The following AUTS2 variants were observed in gnomAD, a reference collection of about 807,000 sequenced individuals.
AUTS2 encodes autism susceptibility gene 2 protein.
AUTS2 carries 17 observed loss-of-function variants against 112.4 expected under a neutral mutation model. The observed-to-expected ratio is 0.15, with a 90% CI of 0.10 to 0.23. The LOEUF is 0.23. Among genes scored for constraint, AUTS2 ranks in the 10% least tolerant of loss-of-function variants. The pLI is 1.00. For synonymous variants in AUTS2, 751 were observed against 702.7 expected (o/e 1.07, Z -1.09); for missense variants, 1,510 against 1,701.6 (o/e 0.89, Z 1.98).
intron 2 of AUTS2, among the ~76,000 whole-genome samples, chr7:70,076,881 A>G (rs893184851): frequency 3.3e-5 from 5 of 152,218 alleles, no homozygotes; most frequent in African/African-American, 9.6e-5. Flanking sequence ...GAGTATTTCA[A>G]TTAGAGTGCT....
chr7:70,768,071 G>A lies in AUTS2; in HGVS notation c.1734+3G>A. 1 of 1,601,932 alleles carries A rather than the reference G, an allele frequency of 6.2e-7. No homozygotes were observed. Among genetic ancestry groups the A allele is most frequent in the Non-Finnish European group, 8.5e-7 (1 of 1,175,570 alleles). ...TTGACCCATTCTACCGGCACAGTGT[G>A]AGTTTCATTACCATGCTACACATTG... On this transcript the variant is annotated splice_donor_region_variant and intron_variant, in intron 10 of 18. Coordinates refer to ENST00000342771, the MANE Select transcript of AUTS2 (RefSeq NM_015570.4).
At chr7:69,958,924 C>T (rs1302962120) in intron 2 of AUTS2, among the ~76,000 whole-genome samples, 2 of 152,070 alleles carry the variant, frequency 1.3e-5, no homozygotes, top group Non-Finnish European at 2.9e-5. Context: ...TTGGAGAGAA[C>T]CAAATTTTAG....
intron 4 of AUTS2, among the ~76,000 whole-genome samples, chr7:70,414,212 C>T (rs1465005457): frequency 6.6e-6 from 1 of 152,160 alleles, no homozygotes; most frequent in Admixed American, 6.5e-5. Flanking sequence ...CTTTCCTTTC[C>T]CCAATGCTCC....
chr7:70,145,107 T>C (rs550649822), intron 4 of AUTS2, among the ~76,000 whole-genome samples: 21 of 152,256 alleles, frequency 1.4e-4, no homozygotes, highest in Admixed American at 4.6e-4. Context: ...ATTGCTCTTC[T>C]TGTAATGCCC....
chr7:70,450,034 A>G (rs1487828495), intron 5 of AUTS2, among the ~76,000 whole-genome samples: 1 of 152,178 alleles, frequency 6.6e-6, no homozygotes, highest in African/African-American at 2.4e-5. Flanking sequence ...GGAGAATCCA[A>G]TTTGCATGCC....
intron 1 of AUTS2, among the ~76,000 whole-genome samples, chr7:69,775,928 C>G (rs568077274): frequency 1.3e-5 from 2 of 152,282 alleles, no homozygotes; most frequent in East Asian, 3.9e-4. Context: ...GAGATTGGCC[C>G]TGGGTAGGAG....
chr7:69,615,552 C>G (rs1332358244), intron 1 of AUTS2, among the ~76,000 whole-genome samples: 1 of 152,168 alleles, frequency 6.6e-6, no homozygotes, highest in Admixed American at 6.5e-5. Context: ...ATCTGCCTGC[C>G]TCAGCCTCCC....
chr7:69,879,120 C>CTGTGTG lies in AUTS2; in HGVS notation c.310-20134_310-20129dup, dbSNP rs5884770. On this transcript the variant is annotated intron_variant, in intron 1 of 18. Coordinates refer to ENST00000342771, the MANE Select transcript of AUTS2 (RefSeq NM_015570.4). ...CTCAGTTATAGATATTTGAGACTTT[C>CTGTGTG]TGTGTGTGTGTGTGTGTGTGTGTGT... 3.3e-3 allele frequency among the ~76,000 whole-genome samples: 482 copies of CTGTGTG among 147,812 alleles called. 2 individuals carry two copies. Among genetic ancestry groups the CTGTGTG allele is most frequent in the African/African-American group, 9.4e-3 (378 of 40,006 alleles).
intron 1 of AUTS2, among the ~76,000 whole-genome samples, chr7:69,718,910 T>G (rs1798765798): frequency 6.6e-6 from 1 of 152,218 alleles, no homozygotes; most frequent in African/African-American, 2.4e-5. Context: ...GCTTAAAGCC[T>G]CACTCTTCTT....
At chr7:70,486,376 GTAA>G (rs1189242312) in intron 5 of AUTS2, among the ~76,000 whole-genome samples, 3 of 152,250 alleles carry the variant, frequency 2.0e-5, no homozygotes, top group Admixed American at 1.3e-4. Context: ...ATTAAATGAA[GTAA>G]TAGTAGTATA....
At chr7:70,269,912 T>G (rs1453753828) in intron 4 of AUTS2, among the ~76,000 whole-genome samples, 1 of 152,134 alleles carries the variant, frequency 6.6e-6, no homozygotes, top group Non-Finnish European at 1.5e-5. Context: ...AGCAGCTTGT[T>G]CCTATAATTC....
At chr7:70,750,780 T>C (rs904873089) in intron 6 of AUTS2, among the ~76,000 whole-genome samples, 3 of 152,226 alleles carry the variant, frequency 2.0e-5, no homozygotes, top group African/African-American at 7.2e-5. Flanking sequence ...GATTGTCCAA[T>C]GTGTGCCCCA....
At chr7:70,346,385 C>T (rs984308325) in intron 4 of AUTS2, among the ~76,000 whole-genome samples, 1 of 152,158 alleles carries the variant, frequency 6.6e-6, no homozygotes, top group African/African-American at 2.4e-5. Context: ...TTCAGTGCTG[C>T]GATCTGAGGC....
At chr7:69,778,399 T>TA (rs1411596227) in intron 1 of AUTS2, among the ~76,000 whole-genome samples, 21 of 149,958 alleles carry the variant, frequency 1.4e-4, no homozygotes, top group East Asian at 5.8e-4. Context: ...CCCAGGGAGT[T>TA]TAAAAAAAAA....
intron 5 of AUTS2, among the ~76,000 whole-genome samples, chr7:70,466,147 G>A (rs1797158775): frequency 6.6e-6 from 1 of 152,150 alleles, no homozygotes; most frequent in Non-Finnish European, 1.5e-5. Context: ...AAACTAGGTA[G>A]CCCAAAGGGA....
chr7:70,732,376 G>A (rs906251588), intron 6 of AUTS2, among the ~76,000 whole-genome samples: 2 of 152,092 alleles, frequency 1.3e-5, no homozygotes, highest in East Asian at 1.9e-4. Flanking sequence ...TAGAGAAGAG[G>A]GGGTGAAGGA....
intron 1 of AUTS2, among the ~76,000 whole-genome samples, chr7:69,634,120 T>TG (rs1249257922): frequency 2.6e-5 from 4 of 151,424 alleles, no homozygotes; most frequent in African/African-American, 9.7e-5. Flanking sequence ...CCAGACTTGA[T>TG]TATTATTTTT....
intron 4 of AUTS2, among the ~76,000 whole-genome samples, chr7:70,169,930 G>A (rs1808581429): frequency 6.6e-6 from 1 of 151,970 alleles, no homozygotes; most frequent in Admixed American, 6.6e-5. Context: ...AACTTTATTT[G>A]CTGCTTAATT....
chr7:70,751,553 C>CT (rs1408923049), intron 6 of AUTS2, among the ~76,000 whole-genome samples: 2 of 152,138 alleles, frequency 1.3e-5, no homozygotes, highest in Admixed American at 6.5e-5. Flanking sequence ...TGTGCTGTGG[C>CT]TTTTAGGTCA....
Sources: gnomAD v4.1 joint callset for allele counts (sites outside exome capture counted in the v4.1 genomes callset) on GRCh38, gnomAD v4.1.1 for gene constraint, MANE v1.5 for transcripts, NCBI Gene and HGNC (gene_info 2026-07-23, HGNC 2026-07-21) for gene names.